PEPD: variants seen among roughly 807,000 people sequenced by gnomAD.
The protein encoded by PEPD is peptidase D.
A neutral mutation model predicts 60.7 loss-of-function variants in PEPD; 53 were observed. That is an observed-to-expected ratio of 0.87 (90% CI 0.70 to 1.10). The LOEUF (loss-of-function observed/expected upper bound fraction) is 1.10. Ranked by LOEUF, PEPD falls within the 50% of genes least tolerant of loss-of-function variation. PEPD has a pLI of 0.00. For missense variants in PEPD, 711 were observed against 711.9 expected, an observed-to-expected ratio of 1.00 and a Z score of 0.01; for synonymous variants, 267 against 284.1, an observed-to-expected ratio of 0.94 and a Z score of 0.60.
In PEPD at chr19:33,394,572, C is replaced by T. The variant is rs146511453; in HGVS notation, c.968-3093G>A. On this transcript the variant is annotated intron_variant, in intron 12 of 14. Transcript: ENST00000244137. ...CAGCCTCTGGCCCGGATGGTGGTTA[C>T]GACACCCACCGCCTGGGCGGGGGCC... is the stretch of plus-strand genomic sequence containing the variant. 1.1e-4 allele frequency among the ~76,000 whole-genome samples: 17 copies of T among 152,352 alleles called. No homozygotes were observed. In the East Asian group the frequency reaches 3.1e-3, roughly 28 times the overall value.
At chr19:33,453,217 G>T (rs960262816) in intron 9 of PEPD, among the ~76,000 whole-genome samples, 1 of 152,126 alleles carries the variant, frequency 6.6e-6, no homozygotes, top group Non-Finnish European at 1.5e-5. Flanking sequence ...CAGAGGCTGA[G>T]GGGGGAAGGT....
intron 9 of PEPD, among the ~76,000 whole-genome samples, chr19:33,460,619 C>G (rs971764634): frequency 6.6e-6 from 1 of 152,140 alleles, no homozygotes; most frequent in Non-Finnish European, 1.5e-5. Context: ...TCTCAGGGGC[C>G]CACAGATCAG....
At chr19:33,420,440 C>T (rs570092302) in intron 9 of PEPD, among the ~76,000 whole-genome samples, 30 of 152,240 alleles carry the variant, frequency 2.0e-4, no homozygotes, top group Admixed American at 1.2e-3. Flanking sequence ...TGGTGGCTGA[C>T]GCCTGTAATC....
rs772057956 is a variant in PEPD, at chr19:33,521,789, T to C, written c.-29A>G. 44 of 1,490,894 alleles carry C rather than the reference T, an allele frequency of 3.0e-5. No individual in the cohort carries two copies. The highest frequency in any genetic ancestry group is 3.7e-5 in the Non-Finnish European group (41 of 1,116,640). The allele number at this position is 1,490,894 out of a possible 1,614,324, so 92.4% of individuals were successfully genotyped here. ...CGCCCGGCACCGGCGTCACGTGAAG[T>C]GCGGCGTCAGCTGAGCCCCTCCGGG... is the stretch of plus-strand genomic sequence containing the variant. On this transcript the variant is annotated 5_prime_UTR_variant, in exon 1 of 15. Coordinates refer to ENST00000244137, the MANE Select transcript of PEPD (RefSeq NM_000285.4).
intron 1 of PEPD, among the ~76,000 whole-genome samples, chr19:33,515,100 T>C (rs771014005): frequency 5.9e-5 from 9 of 152,180 alleles, no homozygotes; most frequent in Admixed American, 3.3e-4. Flanking sequence ...GAGCTCCAGG[T>C]TGCCTCGGTC....
Position 33,387,322 on chromosome 19 carries a change from G to A in PEPD, c.*22C>T. On this transcript the variant is annotated 3_prime_UTR_variant, in exon 15 of 15. Coordinates refer to ENST00000244137, the MANE Select transcript of PEPD (RefSeq NM_000285.4). ...AGGTTGCAAGGCCAGGCCCCCAGGT[G>A]CGCTGGGATTTCTGGCTGGCTCTAC... 1 of 1,613,490 alleles carries A rather than the reference G, an allele frequency of 6.2e-7. No individual in the cohort carries two copies. The highest frequency in any genetic ancestry group is 8.5e-7 in the Non-Finnish European group (1 of 1,179,914).
chr19:33,517,654 A>G (rs929177376), intron 1 of PEPD, among the ~76,000 whole-genome samples: 1 of 151,970 alleles, frequency 6.6e-6, no homozygotes, highest in African/African-American at 2.4e-5. Flanking sequence ...ACAGACAAGG[A>G]AAGATCTCTG....
chr19:33,454,740 G>A (rs1969764856), intron 9 of PEPD, among the ~76,000 whole-genome samples: 1 of 152,214 alleles, frequency 6.6e-6, no homozygotes, highest in South Asian at 2.1e-4. Flanking sequence ...TTAAGTGTGG[G>A]TGGCACACAG....
At chr19:33,417,953 G>A (rs138607117) in intron 9 of PEPD, among the ~76,000 whole-genome samples, 47 of 152,342 alleles carry the variant, frequency 3.1e-4, no homozygotes, top group Non-Finnish European at 5.7e-4. Context: ...ACGCGGAGGT[G>A]TGTCCTCTGC....
chr19:33,503,011 T>C (rs1600168357), intron 3 of PEPD, among the ~76,000 whole-genome samples: 1 of 148,370 alleles, frequency 6.7e-6, no homozygotes. Flanking sequence ...CGGAACACGG[T>C]GGAGGGAGAG....
chr19:33,490,589 A>AG (rs1354852692), intron 5 of PEPD, among the ~76,000 whole-genome samples: 4 of 152,248 alleles, frequency 2.6e-5, no homozygotes, highest in African/African-American at 9.6e-5. Context: ...GGACTTGGAC[A>AG]GGAATGGAGA....
intron 12 of PEPD, among the ~76,000 whole-genome samples, chr19:33,392,184 ACTC>A (rs571422714): frequency 9.9e-5 from 15 of 152,096 alleles, no homozygotes; most frequent in African/African-American, 3.1e-4. Context: ...TTCAAATCCA[ACTC>A]ATCTCTGCCG....
intron 7 of PEPD, among the ~76,000 whole-genome samples, chr19:33,476,011 T>C (rs562450194): frequency 6.6e-5 from 10 of 152,282 alleles, no homozygotes; most frequent in African/African-American, 2.4e-4. Context: ...AGGAGTCCAA[T>C]GCCGTGTTAG....
intron 7 of PEPD, among the ~76,000 whole-genome samples, chr19:33,472,644 T>G (rs537205677): frequency 6.6e-6 from 1 of 152,246 alleles, no homozygotes; most frequent in East Asian, 1.9e-4. Context: ...AACCCTGAAT[T>G]AAGATATCAA....
intron 12 of PEPD, among the ~76,000 whole-genome samples, chr19:33,393,606 CTG>C (rs1190564869): frequency 6.7e-6 from 1 of 149,598 alleles, no homozygotes; most frequent in African/African-American, 2.6e-5. Flanking sequence ...CTCAGAGCCT[CTG>C]TGTCACCTGG....
chr19:33,418,712 A>ACT (rs1968943848), intron 9 of PEPD, among the ~76,000 whole-genome samples: 5 of 152,166 alleles, frequency 3.3e-5, no homozygotes, highest in African/African-American at 9.7e-5. Flanking sequence ...AGGTACTGGG[A>ACT]CTTGGCAGTG....
At chr19:33,429,629 T>A (rs776810496) in intron 9 of PEPD, among the ~76,000 whole-genome samples, 9 of 152,170 alleles carry the variant, frequency 5.9e-5, no homozygotes, top group Non-Finnish European at 1.2e-4. Context: ...GATAACTGGA[T>A]TATATTGAGG....
Position 33,464,855 on chromosome 19 carries a change from G to A in PEPD, c.549-793C>T, listed in dbSNP as rs545859479. Reference sequence around the variant, plus strand: ...CTCACCCGCGAGTAAGACCCACAGAGAGGAGCCAAATAAGTATTCGTTTTC... The same window carrying A: ...CTCACCCGCGAGTAAGACCCACAGAAAGGAGCCAAATAAGTATTCGTTTTC... On this transcript the variant is annotated intron_variant, in intron 7 of 14. Transcript: ENST00000244137. Among the ~76,000 whole-genome samples, 26 of 152,246 alleles carry A rather than the reference G, an allele frequency of 1.7e-4. No homozygotes were observed. In the East Asian group the frequency reaches 5.0e-3, roughly 29 times the overall value.
intron 3 of PEPD, among the ~76,000 whole-genome samples, chr19:33,503,021 G>A (rs1970740125): frequency 6.6e-6 from 1 of 151,952 alleles, no homozygotes; most frequent in Non-Finnish European, 1.5e-5. Context: ...TGGAGGGAGA[G>A]AACCTTGGGA....
Sources: gnomAD v4.1 joint callset for allele counts (sites outside exome capture counted in the v4.1 genomes callset) on GRCh38, gnomAD v4.1.1 for gene constraint, MANE v1.5 for transcripts, NCBI Gene and HGNC (gene_info 2026-07-23, HGNC 2026-07-21) for gene names.